The following ARL15 variants were observed in gnomAD, a reference collection of about 807,000 sequenced individuals.
The protein encoded by ARL15 is ARF like GTPase 15.
In ARL15, 19 loss-of-function variants were observed where a neutral mutation model predicts 25.2. The observed-to-expected ratio is 0.75, with a 90% CI of 0.53 to 1.10. The LOEUF (loss-of-function observed/expected upper bound fraction) is 1.10. Among genes scored for constraint, ARL15 ranks in the 50% least tolerant of loss-of-function variants. The pLI is 0.00. For synonymous variants in ARL15, 94 were observed against 86.8 expected (o/e 1.08, Z -0.46); for missense variants, 220 against 246.0 (o/e 0.89, Z 0.71).
In ARL15 at chr5:53,950,566, AT is replaced by A. The variant is rs138431773; in HGVS notation, c.463-63854del. 4.4e-3 allele frequency among the ~76,000 whole-genome samples: 676 copies of A among 152,294 alleles called. 11 individuals carry two copies. The highest frequency in any genetic ancestry group is 0.015 in the African/African-American group (640 of 41,564). ...CATTTGAGGGTAATCGTGAAGCAAG[AT>A]TTCAACTCATGCTCTATCACTACCC... On this transcript the variant is annotated intron_variant, in intron 4 of 4. Coordinates refer to ENST00000504924, the MANE Select transcript of ARL15 (RefSeq NM_019087.3).
chr5:53,886,442 ATGACCAGAGGAAAATAGATAC>A lies in ARL15; in HGVS notation c.*98_*118del. 1 of 1,111,876 alleles carries A rather than the reference ATGACCAGAGGAAAATAGATAC, an allele frequency of 9.0e-7. No homozygotes were observed. The highest frequency in any genetic ancestry group is 2.9e-5 in the Admixed American group (1 of 34,308). The allele number at this position is 1,111,876 out of a possible 1,614,324, so 68.9% of individuals were successfully genotyped here. A position where few individuals can be genotyped will look rare whatever the true frequency, so the allele number is the denominator to read the frequency against. On this transcript the variant is annotated 3_prime_UTR_variant, in exon 5 of 5. Coordinates refer to ENST00000504924, the MANE Select transcript of ARL15 (RefSeq NM_019087.3). The stretch of plus-strand genomic sequence containing the variant: ...TTTAATAGAGAGATGAGAGTCTGAA[ATGACCAGAGGAAAATAGATAC>A]TGAAGCCAATATAGTCTTGATACCA...
At chr5:54,191,844 CAT>C (rs2112458375) in intron 1 of ARL15, among the ~76,000 whole-genome samples, 1 of 152,236 alleles carries the variant, frequency 6.6e-6, no homozygotes, top group Non-Finnish European at 1.5e-5. Flanking sequence ...ATCCTGTTAA[CAT>C]ATGTCAGATC....
At chr5:54,237,477 A>T (rs1215922478) in intron 1 of ARL15, among the ~76,000 whole-genome samples, 1 of 152,356 alleles carries the variant, frequency 6.6e-6, no homozygotes, top group Admixed American at 6.5e-5. Context: ...CATGCTGACA[A>T]TGCATGATCA....
chr5:54,057,275 G>A (rs1224019824), intron 4 of ARL15, among the ~76,000 whole-genome samples: 1 of 152,118 alleles, frequency 6.6e-6, no homozygotes, highest in South Asian at 2.1e-4. Flanking sequence ...AGTATTTTCT[G>A]TCTGATATTC....
At position 54,004,789 on chromosome 5, in the gene ARL15, CTG is replaced by C. The variant is rs60269500; in HGVS notation, c.462+108411_462+108412del. On this transcript the variant is annotated intron_variant, in intron 4 of 4. Coordinates refer to ENST00000504924, the MANE Select transcript of ARL15 (RefSeq NM_019087.3). ...TACATGTGATTTTGTGTGTGTGTGC[CTG>C]TGTGTGTGTGTGTGTGTAAGAGGGG... Among the ~76,000 whole-genome samples, 69 of 149,326 alleles carry C rather than the reference CTG, an allele frequency of 4.6e-4. 1 individual carries two copies. The East Asian group carries it at 9.7e-3, about 21-fold the overall frequency.
intron 1 of ARL15, among the ~76,000 whole-genome samples, chr5:54,255,303 T>G (rs1405183272): frequency 6.6e-6 from 1 of 152,018 alleles, no homozygotes; most frequent in Non-Finnish European, 1.5e-5. Context: ...GTTTAAAACA[T>G]ACAAATCACC....
At chr5:53,982,311 T>G (rs1443443506) in intron 4 of ARL15, among the ~76,000 whole-genome samples, 1 of 151,906 alleles carries the variant, frequency 6.6e-6, no homozygotes, top group Non-Finnish European at 1.5e-5. Context: ...CATTAGGTAT[T>G]TCTCCTAATG....
At chr5:54,288,787 G>C (rs1432797588) in intron 1 of ARL15, among the ~76,000 whole-genome samples, 1 of 152,150 alleles carries the variant, frequency 6.6e-6, no homozygotes, top group Non-Finnish European at 1.5e-5. Flanking sequence ...TGACTCTGTA[G>C]CCTACCTGGA....
intron 4 of ARL15, among the ~76,000 whole-genome samples, chr5:54,066,765 C>T (rs1224310245): frequency 1.3e-5 from 2 of 152,090 alleles, no homozygotes; most frequent in Non-Finnish European, 2.9e-5. Flanking sequence ...AATGGTGTTA[C>T]AAATTTCCTC....
intron 1 of ARL15, among the ~76,000 whole-genome samples, chr5:54,227,719 T>C (rs1756565493): frequency 6.6e-6 from 1 of 152,230 alleles, no homozygotes; most frequent in Admixed American, 6.5e-5. Context: ...ATACTTCACT[T>C]ACAACTGAAA....
chr5:54,033,292 G>A (rs1750052764), intron 4 of ARL15, among the ~76,000 whole-genome samples: 1 of 151,366 alleles, frequency 6.6e-6, no homozygotes, highest in Non-Finnish European at 1.5e-5. Context: ...CAGCTGGGGT[G>A]ACAGAGCAAG....
At chr5:53,890,325 A>T (rs537175922) in intron 4 of ARL15, among the ~76,000 whole-genome samples, 6 of 149,426 alleles carry the variant, frequency 4.0e-5, no homozygotes, top group South Asian at 2.1e-4. Context: ...TTTAAGGTTT[A>T]AAAAAAAAAC....
At chr5:54,018,434 T>G (rs920595054) in intron 4 of ARL15, among the ~76,000 whole-genome samples, 2 of 152,228 alleles carry the variant, frequency 1.3e-5, no homozygotes. Context: ...AAGATTGTTC[T>G]TCAGTCAGAC....
intron 1 of ARL15, among the ~76,000 whole-genome samples, chr5:54,230,756 C>A (rs1312470901): frequency 6.6e-6 from 1 of 152,166 alleles, no homozygotes; most frequent in East Asian, 1.9e-4. Context: ...TCCTATGCAT[C>A]CAGCATTTTC....
At chr5:54,309,084 G>A (rs73757049) in intron 1 of ARL15, among the ~76,000 whole-genome samples, 4,210 of 152,254 alleles carry the variant, frequency 0.028, 190 homozygotes, top group African/African-American at 0.096. Flanking sequence ...CTTGTATTGT[G>A]AAGAATGTTC....
intron 4 of ARL15, among the ~76,000 whole-genome samples, chr5:53,974,386 A>G (rs1747863116): frequency 6.6e-6 from 1 of 152,182 alleles, no homozygotes; most frequent in Non-Finnish European, 1.5e-5. Context: ...CTGCCCTTAA[A>G]TGTAATCTAT....
chr5:54,083,583 G>A (rs931335271), intron 4 of ARL15, among the ~76,000 whole-genome samples: 1 of 152,058 alleles, frequency 6.6e-6, no homozygotes, highest in African/African-American at 2.4e-5. Context: ...TAAAATCAAA[G>A]AGAAAATGTC....
chr5:54,115,809 A>T (rs1752880851), intron 3 of ARL15, among the ~76,000 whole-genome samples: 2 of 152,198 alleles, frequency 1.3e-5, no homozygotes, highest in Admixed American at 1.3e-4. Flanking sequence ...AATTTAAGCC[A>T]GAGATTATTT....
intron 1 of ARL15, among the ~76,000 whole-genome samples, chr5:54,231,113 G>A (rs1756659043): frequency 6.7e-6 from 1 of 149,714 alleles, no homozygotes; most frequent in African/African-American, 2.5e-5. Flanking sequence ...ATGTTTCCAC[G>A]TGGATATCCC....
Sources: gnomAD v4.1 joint callset for allele counts (sites outside exome capture counted in the v4.1 genomes callset) on GRCh38, gnomAD v4.1.1 for gene constraint, MANE v1.5 for transcripts, NCBI Gene and HGNC (gene_info 2026-07-23, HGNC 2026-07-21) for gene names.